The following GALNT18 variants were observed in gnomAD, a reference collection of about 807,000 sequenced individuals.
GALNT18 encodes the protein GalNAc-transferase 18.
A neutral mutation model predicts 69.5 loss-of-function variants in GALNT18; 44 were observed. The ratio of observed to expected loss-of-function variants is 0.63; its 90% CI spans 0.50 to 0.81. GALNT18 has a LOEUF of 0.81. GALNT18 is among the 40% of genes least tolerant of loss of function. The pLI is 0.00. For missense variants in GALNT18, 715 were observed against 810.0 expected (o/e 0.88, Z 1.42); for synonymous variants, 364 against 318.2 (o/e 1.14, Z -1.53).
Position 11,421,021 on chromosome 11 carries a change from C to T in GALNT18, c.595+11600G>A, listed in dbSNP as rs1225634357. The stretch of plus-strand genomic sequence containing the variant: ...TACAGAGCCCTCTTGCTGTAGATTG[C>T]TACAGGGAGCTCATGAGCAAAAAGA... On this transcript the variant is annotated intron_variant, in intron 3 of 10. Coordinates refer to ENST00000227756, the MANE Select transcript of GALNT18 (RefSeq NM_198516.3). This position sits in a 1 kb window ranked among gnomAD's most constrained non-coding sequence, Gnocchi z 5.6. 6.6e-6 allele frequency among the ~76,000 whole-genome samples: 1 copy of T among 152,096 alleles called. No homozygotes were observed. Among genetic ancestry groups the T allele is most frequent in the Non-Finnish European group, 1.5e-5 (1 of 68,016 alleles).
intron 3 of GALNT18, among the ~76,000 whole-genome samples, chr11:11,391,998 G>A (rs573128034): frequency 6.6e-6 from 1 of 152,346 alleles, no homozygotes; most frequent in South Asian, 2.1e-4. Context: ...ATGAGTGCAT[G>A]AGTCATGTCT....
At chr11:11,577,253 C>T (rs947732726) in intron 1 of GALNT18, among the ~76,000 whole-genome samples, 2 of 152,182 alleles carry the variant, frequency 1.3e-5, no homozygotes, top group African/African-American at 4.8e-5. Context: ...TTCAACTTCA[C>T]ACCCACCAGA....
chr11:11,280,159 T>C (rs1305557385), intron 10 of GALNT18, among the ~76,000 whole-genome samples: 1 of 151,768 alleles, frequency 6.6e-6, no homozygotes, highest in Non-Finnish European at 1.5e-5. Flanking sequence ...GCCCGGGGAG[T>C]GCAGTGATTC....
intron 9 of GALNT18, among the ~76,000 whole-genome samples, chr11:11,325,271 C>T (rs949118713): frequency 1.3e-5 from 2 of 152,232 alleles, no homozygotes; most frequent in Non-Finnish European, 2.9e-5. Flanking sequence ...AACCAAATAT[C>T]GTACGTTTTC....
At chr11:11,296,271 C>G (rs1849399448) in intron 9 of GALNT18, among the ~76,000 whole-genome samples, 1 of 152,122 alleles carries the variant, frequency 6.6e-6, no homozygotes, top group South Asian at 2.1e-4. Flanking sequence ...ACTCACCTAC[C>G]CCAACTCTTA....
In GALNT18 at chr11:11,613,230, T is replaced by G. The variant is rs1859956922; in HGVS notation, c.235+8129A>C. On this transcript the variant is annotated intron_variant, in intron 1 of 10. Transcript: ENST00000227756. The surrounding 1 kb of genome is among the most constrained non-coding windows in gnomAD (Gnocchi z 4.2). ...GAATCCTCTTGCTTAAAGTTCCAGT[T>G]GGCTGCACTGGAACTACAGGGGATC... Among the ~76,000 whole-genome samples the G allele has an allele frequency of 6.6e-6, 1 of 152,198 alleles. No individual in the cohort carries two copies. Among genetic ancestry groups the G allele is most frequent in the South Asian group, 2.1e-4 (1 of 4,826 alleles).
chr11:11,272,763 C>A (rs1848853394), intron 10 of GALNT18, among the ~76,000 whole-genome samples: 1 of 152,106 alleles, frequency 6.6e-6, no homozygotes, highest in South Asian at 2.1e-4. Flanking sequence ...TCCACCTCCT[C>A]AGTCTACAAG....
chr11:11,440,456 G>A (rs1198327071), intron 2 of GALNT18, among the ~76,000 whole-genome samples: 1 of 152,214 alleles, frequency 6.6e-6, no homozygotes, highest in Non-Finnish European at 1.5e-5. Flanking sequence ...ATCTGCTGGG[G>A]CCGGGAAAGG....
intron 1 of GALNT18, among the ~76,000 whole-genome samples, chr11:11,531,995 A>T (rs1331184231): frequency 6.6e-6 from 1 of 152,206 alleles, no homozygotes; most frequent in East Asian, 1.9e-4. Context: ...GTGTGTCATG[A>T]ACATATGCAT....
intron 1 of GALNT18, among the ~76,000 whole-genome samples, chr11:11,534,728 T>G (rs753773585): frequency 2.0e-5 from 3 of 152,270 alleles, no homozygotes; most frequent in Non-Finnish European, 4.4e-5. Context: ...ATAGAACCTG[T>G]GCAGTTCTTG....
intron 9 of GALNT18, among the ~76,000 whole-genome samples, chr11:11,319,953 G>T (rs1215387614): frequency 6.6e-6 from 1 of 152,094 alleles, no homozygotes; most frequent in Non-Finnish European, 1.5e-5. Flanking sequence ...CGCTTTATGT[G>T]CATTGATTTA....
rs887482789 is a variant in GALNT18, at chr11:11,383,529, C to A, written c.596-4265G>T. 1.3e-5 allele frequency among the ~76,000 whole-genome samples: 2 copies of A among 152,196 alleles called. No homozygotes were observed. The highest frequency in any genetic ancestry group is 1.9e-4 in the East Asian group (1 of 5,194). On this transcript the variant is annotated intron_variant, in intron 3 of 10. Coordinates refer to ENST00000227756, the MANE Select transcript of GALNT18 (RefSeq NM_198516.3). This position sits in a 1 kb window ranked among gnomAD's most constrained non-coding sequence, Gnocchi z 5.2. ...TATAGGCTTGCTGTGGAGAACCGGG[C>A]AGAGTCCTCACCTCTCCCTCAAGGT...
chr11:11,293,230 C>G, intron 9 of GALNT18, 37 bp from the exon 10 acceptor site: 18 of 1,311,154 alleles, frequency 1.4e-5, no homozygotes, highest in Non-Finnish European at 1.8e-5. Context: ...TGGATAAATG[C>G]CAATGGCCAC....
At position 11,332,734 on chromosome 11, in the gene GALNT18, G is replaced by A; in HGVS notation, c.1376C>T (p.Pro459Leu). ...TFRWYLVSVY[P>L]EMRMYSDIIA... is the part of the protein sequence containing the mutation. The stretch of plus-strand genomic sequence containing the variant: ...GATGTCGGAGTACATCCTCATCTCT[G>A]GGTACACGCTGACCAGGTACCACCG... Residue 459 changes from proline to leucine, a missense_variant, in exon 8 of 11, where the codon CCA (proline) becomes CTA (leucine). Coordinates refer to ENST00000227756, the MANE Select transcript of GALNT18 (RefSeq NM_198516.3). This position sits in a 1 kb window ranked among gnomAD's most constrained non-coding sequence, Gnocchi z 4.3. 1 of 1,614,084 alleles carries A rather than the reference G, an allele frequency of 6.2e-7. No individual in the cohort carries two copies. The highest frequency in any genetic ancestry group is 8.5e-7 in the Non-Finnish European group (1 of 1,179,992).
intron 8 of GALNT18, among the ~76,000 whole-genome samples, chr11:11,329,481 G>C (rs1304999469): frequency 2.6e-5 from 4 of 152,132 alleles, no homozygotes; most frequent in African/African-American, 9.7e-5. Flanking sequence ...TCCCCATATC[G>C]CCCTTGGTCT....
At chr11:11,468,425 C>T (rs1169737761) in intron 1 of GALNT18, among the ~76,000 whole-genome samples, 4 of 152,204 alleles carry the variant, frequency 2.6e-5, no homozygotes, top group Admixed American at 6.5e-5. Context: ...GCCTGCCATG[C>T]AGCTCTAAGA....
At chr11:11,510,641 A>G (rs1423057846) in intron 1 of GALNT18, among the ~76,000 whole-genome samples, 2 of 152,208 alleles carry the variant, frequency 1.3e-5, no homozygotes, top group Non-Finnish European at 2.9e-5. Context: ...TCAGTGCAAG[A>G]AATAGAAATG....
At chr11:11,301,577 G>A (rs1406181464) in intron 9 of GALNT18, among the ~76,000 whole-genome samples, 1 of 152,208 alleles carries the variant, frequency 6.6e-6, no homozygotes, top group Non-Finnish European at 1.5e-5. Flanking sequence ...ACATACATGT[G>A]TAAGGCTGGG....
chr11:11,285,706 G>C (rs1195341397), intron 10 of GALNT18, among the ~76,000 whole-genome samples: 1 of 152,222 alleles, frequency 6.6e-6, no homozygotes, highest in South Asian at 2.1e-4. Context: ...AACACAAAAG[G>C]TTCTCAAAGT....
Sources: gnomAD v4.1 joint callset for allele counts (sites outside exome capture counted in the v4.1 genomes callset) on GRCh38, gnomAD v4.1.1 for gene constraint, Gnocchi (gnomAD v3.1) non-coding constraint, MANE v1.5 for transcripts, NCBI Gene and HGNC (gene_info 2026-07-23, HGNC 2026-07-21) for gene names.